Variants in SNX25 observed in about 807,000 individuals in gnomAD.
The protein encoded by SNX25 is sorting nexin 25.
SNX25 carries 62 observed loss-of-function variants against 113.7 expected under a neutral mutation model. That is an observed-to-expected ratio of 0.55 (90% CI 0.44 to 0.67). The LOEUF (loss-of-function observed/expected upper bound fraction) is 0.67, where lower values mean the gene tolerates loss of function less well. SNX25 is among the 30% of genes least tolerant of loss of function. The probability of loss-of-function intolerance (pLI) is 0.00; values close to 1 mark genes in which losing one functional copy is unlikely to be tolerated. For synonymous variants in SNX25, 421 were observed against 436.2 expected (o/e 0.97, Z 0.43); for missense variants, 1,014 against 1,161.0 (o/e 0.87, Z 1.84).
At chr4:185,241,486 C>A (rs1743996965) in intron 1 of SNX25, among the ~76,000 whole-genome samples, 1 of 74,294 alleles carries the variant, frequency 1.3e-5, no homozygotes, top group South Asian at 5.7e-4. Flanking sequence ...GAGAGGGAGA[C>A]TGTGGGGAGA....
At chr4:185,321,949 C>T (rs1156991198) in intron 8 of SNX25, among the ~76,000 whole-genome samples, 9 of 152,188 alleles carry the variant, frequency 5.9e-5, no homozygotes, top group Admixed American at 5.9e-4. Flanking sequence ...CGCAAAAACG[C>T]TGCACCATTT....
chr4:185,256,802 T>C (rs11132298), intron 2 of SNX25, among the ~76,000 whole-genome samples: 51,419 of 151,280 alleles, frequency 0.34, 10,565 homozygotes, highest in East Asian at 0.56. Context: ...TTTTGTATTT[T>C]TTGTAGAGAT....
Position 185,314,770 on chromosome 4 carries a change from A to G in SNX25, c.1344+3954A>G, listed in dbSNP as rs190791958. On this transcript the variant is annotated intron_variant, in intron 7 of 18. Transcript: ENST00000652585. ...GTACTCGGGAGGCTGCGGCAGAAGA[A>G]TCACTTGAACCCGGGAGGCGGAAGT... Among the ~76,000 whole-genome samples the G allele has an allele frequency of 4.0e-3, 600 of 151,480 alleles. 1 individual carries two copies. Among genetic ancestry groups the G allele is most frequent in the African/African-American group, 0.013 (531 of 41,222 alleles).
upstream of SNX25, chr4:185,207,651 C>T (rs1488050519): frequency 6.6e-6 from 1 of 152,166 alleles, no homozygotes; most frequent in Non-Finnish European, 1.5e-5. Context: ...AATGCACAAG[C>T]TCTGAAGCTG....
chr4:185,333,811 A>C (rs182874106), intron 10 of SNX25, among the ~76,000 whole-genome samples: 2 of 152,056 alleles, frequency 1.3e-5, no homozygotes, highest in East Asian at 3.9e-4. Flanking sequence ...TGGGAAGCCG[A>C]GATGGGTGGA....
Position 185,342,126 on chromosome 4 carries a change from C to G in SNX25, c.2187+10C>G. 6.4e-7 allele frequency: 1 copy of G among 1,558,666 alleles called. No homozygotes were observed. On this transcript the variant is annotated intron_variant, in intron 12 of 18. Transcript: ENST00000652585. ...CCGGAAACTCAGTGAGGTATGAATA[C>G]TCATGAACGCAGTATTCTAGAATTA...
intron 1 of SNX25, among the ~76,000 whole-genome samples, chr4:185,223,160 C>T (rs1579345925): frequency 6.6e-6 from 1 of 152,156 alleles, no homozygotes; most frequent in Non-Finnish European, 1.5e-5. Flanking sequence ...CACCTTCTCT[C>T]CCACCTTAGC....
intron 1 of SNX25, among the ~76,000 whole-genome samples, chr4:185,241,032 G>C (rs1227296068): frequency 2.0e-5 from 3 of 149,554 alleles, no homozygotes; most frequent in Non-Finnish European, 3.0e-5. Flanking sequence ...CATCCCAGAC[G>C]ATGGGCGGCC....
intron 15 of SNX25, 107 bp from the exon 16 acceptor site, chr4:185,357,564 G>T: frequency 1.1e-6 from 1 of 929,410 alleles, no homozygotes; most frequent in East Asian, 2.5e-5. Context: ...CTTGATGGCA[G>T]GACTGAAATC....
At chr4:185,239,560 C>A (rs1743305028) in intron 1 of SNX25, among the ~76,000 whole-genome samples, 1 of 152,164 alleles carries the variant, frequency 6.6e-6, no homozygotes, top group Non-Finnish European at 1.5e-5. Context: ...AAAATTTTCT[C>A]TCTCTGCAGA....
At chr4:185,321,141 A>G (rs2095116421) in intron 8 of SNX25, among the ~76,000 whole-genome samples, 1 of 152,194 alleles carries the variant, frequency 6.6e-6, no homozygotes, top group African/African-American at 2.4e-5. Context: ...TTGTAAAAAG[A>G]CATATACATA....
At chr4:185,272,154 A>G (rs1458444498) in intron 5 of SNX25, among the ~76,000 whole-genome samples, 1 of 152,224 alleles carries the variant, frequency 6.6e-6, no homozygotes, top group Non-Finnish European at 1.5e-5. Flanking sequence ...TAATAGCACA[A>G]GAGCCAAAAA....
At chr4:185,356,552 CG>C (rs2095340117) in intron 15 of SNX25, among the ~76,000 whole-genome samples, 1 of 152,076 alleles carries the variant, frequency 6.6e-6, no homozygotes, top group African/African-American at 2.4e-5. Flanking sequence ...CTTGACTTTA[CG>C]TGAAGAATTC....
rs2095376805 is a variant in SNX25, at chr4:185,363,758, A to T, written c.*293A>T. 4.2e-6 allele frequency: 1 copy of T among 238,496 alleles called. No homozygotes were observed. The highest frequency in any genetic ancestry group is 2.2e-5 in the African/African-American group (1 of 44,830). The allele number at this position is 238,496 out of a possible 1,614,324, so 14.8% of individuals were successfully genotyped here. On this transcript the variant is annotated 3_prime_UTR_variant, in exon 19 of 19. Transcript: ENST00000652585. This position sits in a 1 kb window ranked among gnomAD's most constrained non-coding sequence, Gnocchi z 4.2. ...CTAGGAAGTATTTTAAATATTTATG[A>T]AAATATTTTGTTTTAAAATGAACTA... is the stretch of plus-strand genomic sequence containing the variant.
the SNX25 span, chr4:185,375,580 A>C: frequency 8.1e-7 from 1 of 1,235,652 alleles, no homozygotes; most frequent in Non-Finnish European, 1.1e-6. Context: ...TGACAATGAA[A>C]TCTTAACCAC....
the SNX25 span, chr4:185,375,516 G>GTATA: frequency 0.038 from 1,780 of 46,690 alleles, 168 homozygotes; most frequent in African/African-American, 0.14. Flanking sequence ...ATATATATAT[G>GTATA]TATATATATA....
chr4:185,318,813 A>G (rs1383591809), intron 7 of SNX25, among the ~76,000 whole-genome samples: 1 of 152,216 alleles, frequency 6.6e-6, no homozygotes, highest in African/African-American at 2.4e-5. Context: ...AGGAAGATAA[A>G]AACTTAACAC....
At chr4:185,206,815 C>G (rs557208145), upstream of SNX25, among the ~76,000 whole-genome samples, 12 of 152,260 alleles carry the variant, frequency 7.9e-5, no homozygotes, top group African/African-American at 2.9e-4. Flanking sequence ...ATACACCCTT[C>G]GCCGGCTGGA....
chr4:185,252,437 A>C (rs1213489337), intron 2 of SNX25, among the ~76,000 whole-genome samples: 1 of 152,204 alleles, frequency 6.6e-6, no homozygotes, highest in African/African-American at 2.4e-5. Context: ...GCAAAACATT[A>C]AACAATATAC....
Sources: gnomAD v4.1 joint callset for allele counts (sites outside exome capture counted in the v4.1 genomes callset) on GRCh38, gnomAD v4.1.1 for gene constraint, Gnocchi (gnomAD v3.1) non-coding constraint, MANE v1.5 for transcripts, NCBI Gene and HGNC (gene_info 2026-07-23, HGNC 2026-07-21) for gene names.